Variants in STK33 observed in about 807,000 individuals in gnomAD.
The protein encoded by STK33 is serine/threonine kinase 33, also known as serine/threonine-protein kinase 33.
Under a neutral mutation model 58.0 loss-of-function variants are expected in STK33, and 52 were observed. That is an observed-to-expected ratio of 0.90 (90% CI 0.72 to 1.13). The LOEUF is 1.13. Among genes scored for constraint, STK33 ranks in the 50% most tolerant of loss-of-function variants. The pLI, the probability that STK33 is intolerant of heterozygous loss-of-function variation, is 0.00. For synonymous variants in STK33, 215 were observed against 200.1 expected, an observed-to-expected ratio of 1.07 and a Z score of -0.63; for missense variants, 630 against 604.2, an observed-to-expected ratio of 1.04 and a Z score of -0.45.
chr11:8,480,542 G>C lies in STK33; in HGVS notation c.-393C>G, dbSNP rs988421212. 2 of 152,328 alleles carry C rather than the reference G, an allele frequency of 1.3e-5. No individual in the cohort carries two copies. The highest frequency in any genetic ancestry group is 4.8e-5 in the African/African-American group (2 of 41,440). The allele number at this position is 152,328 out of a possible 1,614,324, so 9.4% of individuals were successfully genotyped here. ...GCATTATTGGAATTTACCCTGGAGT[G>C]GGGAGGGGCGTAGTGAGATGCAGGG... On this transcript the variant is annotated 5_prime_UTR_variant, in exon 2 of 16. Coordinates refer to ENST00000687296, the MANE Select transcript of STK33 (RefSeq NM_001352389.2).
chr11:8,535,510 G>A (rs1327724126), intron 1 of STK33, among the ~76,000 whole-genome samples: 2 of 152,034 alleles, frequency 1.3e-5, no homozygotes, highest in African/African-American at 2.4e-5. Context: ...AATCATCACA[G>A]AAATGCAAAT....
At chr11:8,397,278 A>C (rs1295138363) in intron 15 of STK33, among the ~76,000 whole-genome samples, 1 of 152,228 alleles carries the variant, frequency 6.6e-6, no homozygotes, top group Non-Finnish European at 1.5e-5. Flanking sequence ...CAGAGGAATG[A>C]TCAGGCAGCA....
At chr11:8,540,992 CTCTATATA>C (rs1221029700) in intron 1 of STK33, among the ~76,000 whole-genome samples, 6 of 137,644 alleles carry the variant, frequency 4.4e-5, no homozygotes, top group Non-Finnish European at 9.5e-5. Flanking sequence ...CTCTCTCTCT[CTCTATATA>C]TATATATATA....
chr11:8,387,783 C>G (rs900674894), downstream of STK33, among the ~76,000 whole-genome samples: 5 of 152,184 alleles, frequency 3.3e-5, no homozygotes, highest in African/African-American at 4.8e-5. Flanking sequence ...GTCAGTTGCT[C>G]TCCATCTTCC....
intron 1 of STK33, among the ~76,000 whole-genome samples, chr11:8,563,858 C>A (rs1957273469): frequency 6.6e-6 from 1 of 152,084 alleles, no homozygotes; most frequent in Non-Finnish European, 1.5e-5. Context: ...GTGAGGAATG[C>A]ATTCCAAAAA....
At chr11:8,496,573 AT>A (rs1168795859) in intron 1 of STK33, among the ~76,000 whole-genome samples, 6 of 150,854 alleles carry the variant, frequency 4.0e-5, no homozygotes, top group African/African-American at 1.5e-4. Flanking sequence ...CCTGTGTGAT[AT>A]TTCATTTTTT....
rs1240075534 is a variant in STK33, at chr11:8,474,733, T to C, written c.173A>G (p.Glu58Gly). Residue 58 changes from glutamate to glycine, a missense_variant, in exon 5 of 16, where the codon GAG (glutamate) becomes GGG (glycine). Transcript: ENST00000687296. ...IGSAESLISL[E>G]RKKEKNINRD... Reference sequence around the variant, plus strand: ...GTTGATATTTTTTTCTTTTTTTCTCTCCAGTGAAATTAAAGATTCTGCACT... The same window carrying C: ...GTTGATATTTTTTTCTTTTTTTCTCCCCAGTGAAATTAAAGATTCTGCACT... The C allele has an allele frequency of 2.5e-6, 4 of 1,612,666 alleles. No homozygotes were observed. Among genetic ancestry groups the C allele is most frequent in the Middle Eastern group, 1.7e-4 (1 of 6,044 alleles).
At chr11:8,428,844 A>G (rs1477138011) in intron 14 of STK33, among the ~76,000 whole-genome samples, 1 of 152,176 alleles carries the variant, frequency 6.6e-6, no homozygotes, top group African/African-American at 2.4e-5. Context: ...AAAAAATTAT[A>G]ATCATGTTCT....
chr11:8,518,605 G>A (rs540047573), intron 1 of STK33, among the ~76,000 whole-genome samples: 48 of 152,320 alleles, frequency 3.2e-4, no homozygotes, highest in African/African-American at 1.1e-3. Flanking sequence ...CATCTCACAT[G>A]CAGAGACACA....
chr11:8,415,060 G>T (rs1940919288), intron 14 of STK33, among the ~76,000 whole-genome samples: 1 of 151,890 alleles, frequency 6.6e-6, no homozygotes, highest in Non-Finnish European at 1.5e-5. Flanking sequence ...GGCTCTGCTT[G>T]GTCCCTATGA....
At chr11:8,389,988 G>C (rs1011858), downstream of STK33, among the ~76,000 whole-genome samples, 9,816 of 152,242 alleles carry the variant, frequency 0.064, 528 homozygotes, top group East Asian at 0.27. Context: ...TCTATGAGCA[G>C]TGCTTCCCTC....
intron 1 of STK33, among the ~76,000 whole-genome samples, chr11:8,566,408 A>G (rs912586012): frequency 1.1e-4 from 16 of 152,240 alleles, no homozygotes; most frequent in Non-Finnish European, 2.4e-4. Flanking sequence ...ATTACTCTCC[A>G]GGTATATTTT....
intron 14 of STK33, among the ~76,000 whole-genome samples, chr11:8,421,665 GA>G (rs1177850933): frequency 6.6e-6 from 1 of 152,108 alleles, no homozygotes; most frequent in Non-Finnish European, 1.5e-5. Context: ...ATCAATACGG[GA>G]AAAATTAATT....
intron 1 of STK33, among the ~76,000 whole-genome samples, chr11:8,523,223 G>A (rs1345267295): frequency 2.6e-5 from 4 of 152,276 alleles, no homozygotes; most frequent in East Asian, 3.9e-4. Context: ...CCCCGTCTGG[G>A]AAGTGAGGAG....
chr11:8,590,746 T>C (rs12288372), intron 1 of STK33, among the ~76,000 whole-genome samples: 4,661 of 152,270 alleles, frequency 0.031, 167 homozygotes, highest in Admixed American at 0.067. Flanking sequence ...AAAAATAAGA[T>C]GCCCATTCTT....
intron 1 of STK33, among the ~76,000 whole-genome samples, chr11:8,514,293 C>T (rs767879924): frequency 7.2e-5 from 11 of 152,078 alleles, no homozygotes; most frequent in African/African-American, 2.7e-4. Context: ...TTATTATTAA[C>T]ACATTTTCTA....
At chr11:8,560,863 G>C (rs1443895188) in intron 1 of STK33, among the ~76,000 whole-genome samples, 1 of 152,122 alleles carries the variant, frequency 6.6e-6, no homozygotes. Flanking sequence ...ATCTGAGAAT[G>C]CATAGCTGCT....
chr11:8,455,782 G>T lies in STK33; in HGVS notation c.698-950C>A, dbSNP rs565738492. ...GCCGAGATCGTGTCACTGCACTCCA[G>T]CCTGGGTAACAGAGAGAGACTCTGT... is the stretch of plus-strand genomic sequence containing the variant. On this transcript the variant is annotated intron_variant, in intron 9 of 15. Transcript: ENST00000687296. Among the ~76,000 whole-genome samples, 16 of 125,752 alleles carry T rather than the reference G, an allele frequency of 1.3e-4. No individual in the cohort carries two copies. The Admixed American group carries it at 1.6e-3, about 13-fold the overall frequency. The allele number at this position is 125,752 out of a possible 152,430, so 82.5% of individuals were successfully genotyped here. A position where few individuals can be genotyped will look rare whatever the true frequency, so the allele number is the denominator to read the frequency against.
the STK33 span, among the ~76,000 whole-genome samples, chr11:8,380,053 A>G: frequency 6.6e-6 from 1 of 152,134 alleles, no homozygotes; most frequent in Non-Finnish European, 1.5e-5. Flanking sequence ...GGTTGATTCC[A>G]TGTCTTTTCT....
Sources: allele counts gnomAD v4.1 joint callset (sites outside exome capture counted in the v4.1 genomes callset), GRCh38; gene constraint gnomAD v4.1.1; transcripts MANE v1.5; gene names NCBI Gene and HGNC (gene_info 2026-07-23, HGNC 2026-07-21).